The following CCDC171 variants were observed in gnomAD, a reference collection of about 807,000 sequenced individuals.
CCDC171 encodes coiled-coil domain-containing protein 171.
Under a neutral mutation model 168.2 loss-of-function variants are expected in CCDC171, and 177 were observed. That is an observed-to-expected ratio of 1.05 (90% CI 0.93 to 1.19). The LOEUF (loss-of-function observed/expected upper bound fraction) is 1.19, where lower values mean the gene tolerates loss of function less well. CCDC171 is among the 50% of genes most tolerant of loss of function. The pLI is 0.00. For missense variants in CCDC171, 1,991 were observed against 1,539.0 expected, an observed-to-expected ratio of 1.29 and a Z score of -4.91; for synonymous variants, 687 against 540.8, an observed-to-expected ratio of 1.27 and a Z score of -3.75.
At chr9:15,963,662 T>C (rs1434010162) in intron 25 of CCDC171, among the ~76,000 whole-genome samples, 4 of 152,234 alleles carry the variant, frequency 2.6e-5, no homozygotes, top group African/African-American at 9.6e-5. Flanking sequence ...TGTATTTCTT[T>C]ACTTATGAAT....
the CCDC171 span, among the ~76,000 whole-genome samples, chr9:16,095,881 T>TAC: frequency 7.1e-6 from 1 of 141,000 alleles, no homozygotes; most frequent in South Asian, 2.2e-4. Flanking sequence ...TATATATATA[T>TAC]ATATATATAT....
chr9:15,678,951 G>A, intron 10 of CCDC171, 55 bp downstream of exon 10: 2 of 1,298,056 alleles, frequency 1.5e-6, no homozygotes, highest in South Asian at 1.4e-5. Flanking sequence ...CATATTGGAT[G>A]TATAGCAGGG....
At chr9:15,849,451 T>C (rs1000847718) in intron 23 of CCDC171, among the ~76,000 whole-genome samples, 6 of 151,548 alleles carry the variant, frequency 4.0e-5, no homozygotes, top group Admixed American at 2.0e-4. Flanking sequence ...TTATTTAATA[T>C]ATTCTATTGT....
At chr9:15,707,886 C>T (rs1365867710) in intron 11 of CCDC171, among the ~76,000 whole-genome samples, 6 of 152,186 alleles carry the variant, frequency 3.9e-5, no homozygotes, top group Non-Finnish European at 7.3e-5. Flanking sequence ...CTTGCTCTGT[C>T]GCCCAGGCTG....
At position 15,642,362 on chromosome 9, in the gene CCDC171, T is replaced by TATATATATAC. The variant is rs1564119007; in HGVS notation, c.823-14756_823-14755insCATATATATA. 6.0e-3 allele frequency among the ~76,000 whole-genome samples: 269 copies of TATATATATAC among 45,090 alleles called. 3 individuals carry two copies. Among genetic ancestry groups the TATATATATAC allele is most frequent in the African/African-American group, 0.013 (263 of 19,946 alleles). The allele number at this position is 45,090 out of a possible 152,430, so 29.6% of individuals were successfully genotyped here. ...GTGTGTGTATATATATATATATATA[T>TATATATATAC]ATATATATATATATATATATATGCA... On this transcript the variant is annotated intron_variant, in intron 7 of 25. Transcript: ENST00000380701.
intron 11 of CCDC171, among the ~76,000 whole-genome samples, chr9:15,711,174 A>G (rs1394958090): frequency 2.0e-5 from 3 of 152,214 alleles, no homozygotes; most frequent in Non-Finnish European, 2.9e-5. Context: ...TTTAATTTTA[A>G]CTAATTTAAA....
At position 15,820,987 on chromosome 9, in the gene CCDC171, C is replaced by T. The variant is rs1384206032; in HGVS notation, c.3268-25715C>T. Among the ~76,000 whole-genome samples, 7 of 117,040 alleles carry T rather than the reference C, an allele frequency of 6.0e-5. 2 individuals are homozygous for T. The highest frequency in any genetic ancestry group is 9.7e-5 in the African/African-American group (3 of 31,058). 76.8% of individuals were successfully genotyped at this position (117,040 alleles called of 152,430 possible). A position where few individuals can be genotyped will look rare whatever the true frequency, so the allele number is the denominator to read the frequency against. ...GCAGCACATCAAAAAGCTTACCCAC[C>T]ATGATCAAGTGGGCTTCATCCCTGG... On this transcript the variant is annotated intron_variant, in intron 21 of 25. Transcript: ENST00000380701.
At chr9:15,997,443 T>C (rs2132936363) in intron 3 of CCDC171, among the ~76,000 whole-genome samples, 1 of 152,174 alleles carries the variant, frequency 6.6e-6, no homozygotes, top group East Asian at 1.9e-4. Flanking sequence ...AAAAAATAAG[T>C]TTTTTGTTGA....
chr9:15,966,063 C>A (rs906821824), intron 25 of CCDC171, among the ~76,000 whole-genome samples: 13 of 152,200 alleles, frequency 8.5e-5, no homozygotes, highest in Admixed American at 2.6e-4. Context: ...TGCTAGGGTA[C>A]AAAGTCATGA....
At chr9:15,760,215 C>T (rs979911810) in intron 18 of CCDC171, among the ~76,000 whole-genome samples, 6 of 152,170 alleles carry the variant, frequency 3.9e-5, no homozygotes, top group Admixed American at 2.0e-4. Context: ...TTCTTCTTAG[C>T]CCCAGGAAAA....
At chr9:15,562,095 A>T (rs1383359947) in intron 1 of CCDC171, among the ~76,000 whole-genome samples, 1 of 151,990 alleles carries the variant, frequency 6.6e-6, no homozygotes, top group East Asian at 1.9e-4. Context: ...CCTGGGTTCA[A>T]GCGATTCTCC....
intron 2 of CCDC171, among the ~76,000 whole-genome samples, chr9:15,568,114 G>T (rs1333327889): frequency 6.6e-6 from 1 of 151,836 alleles, no homozygotes; most frequent in Admixed American, 6.6e-5. Flanking sequence ...ATTGATTTTA[G>T]TTCTAGTCTG....
intron 24 of CCDC171, among the ~76,000 whole-genome samples, chr9:15,912,547 CTTGCCTGA>C (rs1823843915): frequency 1.3e-5 from 2 of 152,126 alleles, no homozygotes; most frequent in Admixed American, 6.5e-5. Flanking sequence ...ATTTCTTTCT[CTTGCCTGA>C]TTGCCTTGGC....
chr9:15,637,523 G>A (rs1004937263), intron 7 of CCDC171, among the ~76,000 whole-genome samples: 1 of 150,930 alleles, frequency 6.6e-6, no homozygotes, highest in East Asian at 1.9e-4. Context: ...CAATATGCCG[G>A]TTAGTTACAT....
At chr9:16,085,751 C>G in the CCDC171 span, among the ~76,000 whole-genome samples, 1 of 152,144 alleles carries the variant, frequency 6.6e-6, no homozygotes, top group Non-Finnish European at 1.5e-5. Flanking sequence ...TTTTTTCATT[C>G]TTCACTGCAT....
At chr9:16,087,903 C>T in the CCDC171 span, among the ~76,000 whole-genome samples, 2 of 151,968 alleles carry the variant, frequency 1.3e-5, no homozygotes, top group African/African-American at 2.4e-5. Flanking sequence ...CAAAATCTCT[C>T]AGCATTTGCT....
chr9:15,561,924 C>G (rs1310217193), intron 1 of CCDC171, among the ~76,000 whole-genome samples: 2 of 152,030 alleles, frequency 1.3e-5, no homozygotes, highest in East Asian at 3.8e-4. Context: ...ATTTTTTCAC[C>G]TTAGGTCCAA....
In CCDC171 at chr9:15,853,712, A is replaced by G. The variant is rs188670605; in HGVS notation, c.3468+4765A>G. Reference sequence around the variant, plus strand: ...AGTTTTTGGTCTTACACCATTAAGCATGATATTAGCTGTGGGTTTTTTCAT... The same window carrying G: ...AGTTTTTGGTCTTACACCATTAAGCGTGATATTAGCTGTGGGTTTTTTCAT... On this transcript the variant is annotated intron_variant, in intron 23 of 25. Coordinates refer to ENST00000380701, the MANE Select transcript of CCDC171 (RefSeq NM_173550.4). Among the ~76,000 whole-genome samples the G allele has an allele frequency of 7.2e-4, 109 of 151,720 alleles. 1 individual carries two copies. In the East Asian group the frequency reaches 0.016, roughly 22 times the overall value.
At chr9:15,641,165 AAAT>A (rs1434206787) in intron 7 of CCDC171, among the ~76,000 whole-genome samples, 5 of 152,154 alleles carry the variant, frequency 3.3e-5, no homozygotes, top group African/African-American at 4.8e-5. Context: ...AAATCTGGAA[AAAT>A]AATCATTTTC....
Sources: gnomAD v4.1 joint callset for allele counts (sites outside exome capture counted in the v4.1 genomes callset) on GRCh38, gnomAD v4.1.1 for gene constraint, MANE v1.5 for transcripts, NCBI Gene and HGNC (gene_info 2026-07-23, HGNC 2026-07-21) for gene names.